Variants in GGTA1 observed in about 807,000 individuals in gnomAD.
GGTA1 encodes inactive N-acetyllactosaminide alpha-1,3-galactosyltransferase.
GGTA1 carries 5 observed loss-of-function variants against 2.6 expected under a neutral mutation model. That is an observed-to-expected ratio of 1.92 (90% CI 1.00 to 4.04). The LOEUF (loss-of-function observed/expected upper bound fraction) is 4.04, where lower values mean the gene tolerates loss of function less well. Ranked by LOEUF, GGTA1 falls within the 30% of genes most tolerant of loss-of-function variation. The pLI is 0.00. For missense variants in GGTA1, 50 were observed against 16.7 expected (o/e 2.99, Z -3.47); for synonymous variants, 17 against 5.0 (o/e 3.38, Z -3.19).
intron 1 of GGTA1, among the ~76,000 whole-genome samples, chr9:121,496,019 A>G (rs1828985370): frequency 6.6e-6 from 1 of 152,260 alleles, no homozygotes; most frequent in African/African-American, 2.4e-5. Flanking sequence ...GAGTACAAGT[A>G]CCAGGTCTTT....
At chr9:121,477,561 T>C (rs1828539016) in intron 1 of GGTA1, among the ~76,000 whole-genome samples, 1 of 149,840 alleles carries the variant, frequency 6.7e-6, no homozygotes. Flanking sequence ...TAACATTGCA[T>C]TTGCAACCTT....
intron 2 of GGTA1, among the ~76,000 whole-genome samples, chr9:121,466,953 C>CAAAAAAAA: frequency 1.0e-5 from 1 of 99,970 alleles, no homozygotes; most frequent in Non-Finnish European, 2.0e-5. Flanking sequence ...GACTCTGTCT[C>CAAAAAAAA]AAAAAAAAAA....
intron 1 of GGTA1, among the ~76,000 whole-genome samples, chr9:121,468,487 C>A (rs1222285207): frequency 1.3e-5 from 2 of 152,112 alleles, no homozygotes; most frequent in Non-Finnish European, 2.9e-5. Flanking sequence ...CACATGTGTG[C>A]ATGTATCTTT....
At chr9:121,461,136 C>T (rs1156777701) in intron 4 of GGTA1, 116 bp downstream of exon 4, 1 of 364,646 alleles carries the variant, frequency 2.7e-6, no homozygotes, top group African/African-American at 2.2e-5. Context: ...CATATAATTT[C>T]AATAAGCAAG....
intron 3 of GGTA1, among the ~76,000 whole-genome samples, chr9:121,461,828 T>C (rs993316680): frequency 3.3e-5 from 5 of 152,238 alleles, no homozygotes; most frequent in Admixed American, 6.5e-5. Context: ...AACCGATGCA[T>C]GTTTCCATGT....
At chr9:121,490,804 A>C (rs1248211571) in intron 1 of GGTA1, among the ~76,000 whole-genome samples, 1 of 152,172 alleles carries the variant, frequency 6.6e-6, no homozygotes, top group South Asian at 2.1e-4. Context: ...CTTCCAAGAC[A>C]GGTGTCTTCT....
intron 5 of GGTA1, among the ~76,000 whole-genome samples, chr9:121,456,845 A>AT (rs1229298009): frequency 1.3e-5 from 2 of 151,878 alleles, no homozygotes; most frequent in South Asian, 4.2e-4. Context: ...CTAATTTTTT[A>AT]TTTTTTTGAA....
intron 1 of GGTA1, among the ~76,000 whole-genome samples, chr9:121,485,617 G>T (rs1415410440): frequency 6.6e-6 from 1 of 152,192 alleles, no homozygotes; most frequent in East Asian, 1.9e-4. Context: ...TGGGACTCAG[G>T]CCGGGCTCTG....
chr9:121,447,376 G>T (rs1287588535), exon 8 of GGTA1: 1 of 152,606 alleles, frequency 6.6e-6, no homozygotes, highest in East Asian at 1.9e-4. Flanking sequence ...TTGGATGTGG[G>T]CCAAGATGTG....
intron 1 of GGTA1, among the ~76,000 whole-genome samples, chr9:121,489,531 A>G (rs1319964421): frequency 1.3e-5 from 2 of 152,350 alleles, no homozygotes; most frequent in East Asian, 3.9e-4. Flanking sequence ...GTATCTAGTC[A>G]GAGTGGAAAA....
intron 1 of GGTA1, among the ~76,000 whole-genome samples, chr9:121,497,574 C>A (rs1383468771): frequency 2.0e-5 from 3 of 151,940 alleles, no homozygotes; most frequent in African/African-American, 7.3e-5. Context: ...GCCCACAGCC[C>A]CTCAGGCTCC....
rs2064950570 is a variant in GGTA1, at chr9:121,460,390, T to C, written c.183-171A>G. On this transcript the variant is annotated intron_variant, in intron 4 of 5. Coordinates refer to ENST00000481799, the MANE Select transcript of GGTA1 (RefSeq NM_001382585.1). ...AGCGTTTATTCATAAAGACATATTT[T>C]TGATGAAAAGATGCAGTACTCAACT... 2.6e-5 allele frequency among the ~76,000 whole-genome samples: 4 copies of C among 152,190 alleles called. No homozygotes were observed. The South Asian group carries it at 6.2e-4, about 24-fold the overall frequency.
chr9:121,481,680 CAAAAAA>C (rs34813039), intron 1 of GGTA1, among the ~76,000 whole-genome samples: 5 of 64,212 alleles, frequency 7.8e-5, no homozygotes, highest in African/African-American at 1.3e-4. Flanking sequence ...GACTCTGTCT[CAAAAAA>C]AAAAAAAAAA....
At chr9:121,497,284 TTA>T (rs1433093536) in intron 1 of GGTA1, among the ~76,000 whole-genome samples, 2 of 152,156 alleles carry the variant, frequency 1.3e-5, no homozygotes, top group Admixed American at 6.5e-5. Context: ...AAAATTATAT[TTA>T]TGAGTTTATA....
chr9:121,459,367 T>C (rs1564651356), intron 5 of GGTA1, among the ~76,000 whole-genome samples: 1 of 151,980 alleles, frequency 6.6e-6, no homozygotes, highest in Non-Finnish European at 1.5e-5. Flanking sequence ...GCCTGGGAGG[T>C]CAAGGCTGCA....
intron 1 of GGTA1, among the ~76,000 whole-genome samples, chr9:121,497,758 T>G (rs1829023796): frequency 6.6e-6 from 1 of 152,126 alleles, no homozygotes; most frequent in Non-Finnish European, 1.5e-5. Context: ...TGAGACCAAC[T>G]CACATAAATG....
At chr9:121,499,447 G>C (rs543940342) in intron 1 of GGTA1, among the ~76,000 whole-genome samples, 1 of 152,278 alleles carries the variant, frequency 6.6e-6, no homozygotes, top group East Asian at 1.9e-4. Context: ...ACAGGATGGG[G>C]ACAGAGGGAC....
chr9:121,493,451 A>G (rs923527156), intron 1 of GGTA1, among the ~76,000 whole-genome samples: 3 of 152,130 alleles, frequency 2.0e-5, no homozygotes, highest in African/African-American at 7.2e-5. Context: ...GTTTCCCCAC[A>G]TGCAAAATGG....
At chr9:121,489,439 C>A (rs997100474) in intron 1 of GGTA1, among the ~76,000 whole-genome samples, 3 of 152,302 alleles carry the variant, frequency 2.0e-5, no homozygotes, top group East Asian at 3.9e-4. Flanking sequence ...CACAAACCAT[C>A]CCCTCCCAAA....
Sources: allele counts gnomAD v4.1 joint callset (sites outside exome capture counted in the v4.1 genomes callset), GRCh38; gene constraint gnomAD v4.1.1; transcripts MANE v1.5; gene names NCBI Gene and HGNC (gene_info 2026-07-23, HGNC 2026-07-21).